TRIM56: variants seen among roughly 807,000 people sequenced by gnomAD.
TRIM56 encodes E3 ubiquitin-protein ligase TRIM56.
A neutral mutation model predicts 17.1 loss-of-function variants in TRIM56; 10 were observed. The ratio of observed to expected loss-of-function variants is 0.58; its 90% CI spans 0.36 to 0.99. The LOEUF (loss-of-function observed/expected upper bound fraction) is 0.99, where lower values mean the gene tolerates loss of function less well. TRIM56 is among the 50% of genes least tolerant of loss of function. The pLI is 0.01. For synonymous variants in TRIM56, 503 were observed against 473.5 expected (o/e 1.06, Z -0.81); for missense variants, 923 against 1,052.3 (o/e 0.88, Z 1.70).
chr7:101,089,747 G>T lies in TRIM56; in HGVS notation c.*167G>T. 1.6e-6 allele frequency: 1 copy of T among 643,764 alleles called. No homozygotes were observed. 39.9% of individuals were successfully genotyped at this position (643,764 alleles called of 1,614,324 possible). A position where few individuals can be genotyped will look rare whatever the true frequency, so the allele number is the denominator to read the frequency against. ...ACCCGTCTTCTAGTGTGTGAGAATA[G>T]GGACCAAGGTGGTGGCGTGACCTTA... On this transcript the variant is annotated 3_prime_UTR_variant, in exon 3 of 3. Transcript: ENST00000306085.
rs1394035419 is a variant in TRIM56 at position 101,087,511 on chromosome 7, C to T, written c.199C>T (p.Pro67Ser). ...PECRETVPVP[P>S]EGVASFKTNF... ...GTGCCGCGAGACAGTGCCTGTGCCGCCCGAGGGTGTGGCCTCCTTCAAGAC... is the reference window on the plus strand; with the variant it reads ...GTGCCGCGAGACAGTGCCTGTGCCGTCCGAGGGTGTGGCCTCCTTCAAGAC... Residue 67 changes from proline (P) to serine (S), a missense_variant, in exon 3 of 3, where the codon CCC becomes TCC. Physicochemically the swap from Pro to Ser is moderately conservative, Grantham distance 74. Transcript: ENST00000306085. The T allele has an allele frequency of 9.3e-6, 15 of 1,613,288 alleles. No individual in the cohort carries two copies. Among genetic ancestry groups the T allele is most frequent in the East Asian group, 2.2e-5 (1 of 44,886 alleles).
rs1476694877 is a variant in TRIM56, at chr7:101,090,561, C to G, written c.*981C>G. ...ATCCCTTGAGCCGAGGAGTTTGAGTCTGCAGTGAGCTATGATCGCACCACT... is the reference window on the plus strand; with the variant it reads ...ATCCCTTGAGCCGAGGAGTTTGAGTGTGCAGTGAGCTATGATCGCACCACT... On this transcript the variant is annotated 3_prime_UTR_variant, in exon 3 of 3. Transcript: ENST00000306085. 3.8e-5 allele frequency: 5 copies of G among 130,778 alleles called. No homozygotes were observed. The highest frequency in any genetic ancestry group is 6.2e-5 in the Non-Finnish European group (4 of 64,326). The allele number at this position is 130,778 out of a possible 1,614,324, so 8.1% of individuals were successfully genotyped here. A position where few individuals can be genotyped will look rare whatever the true frequency, so the allele number is the denominator to read the frequency against.
rs1291498721 is a variant in TRIM56, at chr7:101,091,343, A to G, written c.*1763A>G. 1 of 160,816 alleles carries G rather than the reference A, an allele frequency of 6.2e-6. No homozygotes were observed. Among genetic ancestry groups the G allele is most frequent in the East Asian group, 1.9e-4 (1 of 5,262 alleles). The allele number at this position is 160,816 out of a possible 1,614,324, so 10.0% of individuals were successfully genotyped here. ...GGAAAACCATTTCTTGTTTATTGAA[A>G]CAATGCAGGACATCATCAAAGTCCG... On this transcript the variant is annotated 3_prime_UTR_variant, in exon 3 of 3. Coordinates refer to ENST00000306085, the MANE Select transcript of TRIM56 (RefSeq NM_030961.3).
chr7:101,086,849 C>T (rs1434675848), intron 1 of TRIM56, 157 bp from the exon 2 acceptor site: 1 of 162,384 alleles, frequency 6.2e-6, no homozygotes, highest in African/African-American at 2.4e-5. Context: ...CGTCTGTGTC[C>T]TTACTGCCTG....
In TRIM56 at chr7:101,089,603, G is replaced by T. The variant is rs770045920; in HGVS notation, c.*23G>T. ...TAAAGGGGCTAGGACTAGGGTGAGA[G>T]GGAGTGGGGAGGGAGAGGGCAGGAA... On this transcript the variant is annotated 3_prime_UTR_variant, in exon 3 of 3. Coordinates refer to ENST00000306085, the MANE Select transcript of TRIM56 (RefSeq NM_030961.3). The T allele has an allele frequency of 6.3e-7, 1 of 1,588,810 alleles. No homozygotes were observed. Among genetic ancestry groups the T allele is most frequent in the Non-Finnish European group, 8.6e-7 (1 of 1,162,956 alleles).
In TRIM56 at chr7:101,087,403, C is replaced by T. The variant is rs1231359674; in HGVS notation, c.91C>T (p.Pro31Ser). The T allele has an allele frequency of 3.7e-6, 6 of 1,612,760 alleles. No homozygotes were observed. The highest frequency in any genetic ancestry group is 5.1e-6 in the Non-Finnish European group (6 of 1,180,010). ...CKICLEQLRA[P>S]KTLPCLHTYC... ...AATCTGCCTGGAGCAGCTGCGGGCACCCAAGACACTGCCCTGCCTGCATAC... is the reference window on the plus strand; with the variant it reads ...AATCTGCCTGGAGCAGCTGCGGGCATCCAAGACACTGCCCTGCCTGCATAC... Residue 31 changes from proline to serine, a missense_variant, in exon 3 of 3, where the codon CCC becomes TCC. Physicochemically the swap from Pro to Ser is moderately conservative, Grantham distance 74 (BLOSUM62 -1). Transcript: ENST00000306085.
chr7:101,086,457 A>G (rs1463849226), intron 1 of TRIM56, among the ~76,000 whole-genome samples: 1 of 149,042 alleles, frequency 6.7e-6, no homozygotes, highest in Non-Finnish European at 1.5e-5. Flanking sequence ...GCTACTCGGG[A>G]GGCTGAGGCA....
Position 101,088,414 on chromosome 7 carries a change from C to G in TRIM56, c.1102C>G (p.Leu368Val). 1 of 1,609,162 alleles carries G rather than the reference C, an allele frequency of 6.2e-7. No homozygotes were observed. The highest frequency in any genetic ancestry group is 8.5e-7 in the Non-Finnish European group (1 of 1,177,242). Residue 368 changes from leucine to valine, a missense_variant, in exon 3 of 3, where the codon CTG (leucine) becomes GTG (valine). This residue lies in a region of TRIM56 where 643 missense variants were observed against 665.6 expected (regional missense o/e 0.97). Coordinates refer to ENST00000306085, the MANE Select transcript of TRIM56 (RefSeq NM_030961.3). Reference protein sequence around the residue: ...LLDKNCHLLRLSFEEQQPQKD... With the variant: ...LLDKNCHLLRVSFEEQQPQKD... ...GGACAAGAACTGCCACCTTCTTCGG[C>G]TGTCCTTTGAGGAGCAGCAGCCCCA...
Position 101,088,621 on chromosome 7 carries a change from G to A in TRIM56, c.1309G>A (p.Glu437Lys), listed in dbSNP as rs1584890109. ...TREEGAQTLE[E>K]DRAQTPHEDG... Reference sequence around the variant, plus strand: ...AGAAGAGGGAGCCCAGACCTTGGAGGAGGACAGGGCCCAGACACCCCACGA... The same window carrying A: ...AGAAGAGGGAGCCCAGACCTTGGAGAAGGACAGGGCCCAGACACCCCACGA... Residue 437 changes from glutamate (E) to lysine (K), a missense_variant, in exon 3 of 3, where the codon GAG becomes AAG. Glu to Lys is a moderately conservative substitution (Grantham distance 56). Coordinates refer to ENST00000306085, the MANE Select transcript of TRIM56 (RefSeq NM_030961.3). The A allele has an allele frequency of 1.2e-6, 2 of 1,613,800 alleles. No individual in the cohort carries two copies. The highest frequency in any genetic ancestry group is 1.7e-6 in the Non-Finnish European group (2 of 1,179,778).
In TRIM56 at chr7:101,088,998, G is replaced by T; in HGVS notation, c.1686G>T (p.Val562=). The T allele has an allele frequency of 6.2e-7, 1 of 1,609,182 alleles. No individual in the cohort carries two copies. Among genetic ancestry groups the T allele is most frequent in the Non-Finnish European group, 8.5e-7 (1 of 1,179,880 alleles). ...GCGTGGCCGCCCTGCAGAGCGCGGTGGCCTTCTCCGCTAGCGCACGGCTCT... is the reference window on the plus strand; with the variant it reads ...GCGTGGCCGCCCTGCAGAGCGCGGTTGCCTTCTCCGCTAGCGCACGGCTCT... ...PCSVAALQSA[V]AFSASARLYL... Residue 562 remains valine (V), a synonymous_variant, in exon 3 of 3, where the codon GTG becomes GTT. Coordinates refer to ENST00000306085, the MANE Select transcript of TRIM56 (RefSeq NM_030961.3).
Position 101,092,528 on chromosome 7 carries a change from G to A in TRIM56, c.*2948G>A, listed in dbSNP as rs564937952. 1,555 of 168,254 alleles carry A rather than the reference G, an allele frequency of 9.2e-3. 20 individuals are homozygous for A. Among genetic ancestry groups the A allele is most frequent in the African/African-American group, 0.035 (1,470 of 41,494 alleles). 10.4% of individuals were successfully genotyped at this position (168,254 alleles called of 1,614,324 possible). On this transcript the variant is annotated 3_prime_UTR_variant, in exon 3 of 3. Transcript: ENST00000306085. ...TCCGCCTGGCAGCCGCCCCGTCTGA[G>A]AAGTGAGGAGCCCCTCCGCCCGGCA...
rs946540592 is a variant in TRIM56, at chr7:101,095,383, G to C, written c.*5803G>C. ...AGCAAAACCTGGTTTCCTAAGGGGG[G>C]GATAAAAGAGGGAGAGATGAGATCG... On this transcript the variant is annotated 3_prime_UTR_variant, in exon 3 of 3. Coordinates refer to ENST00000306085, the MANE Select transcript of TRIM56 (RefSeq NM_030961.3). The C allele has an allele frequency of 6.6e-6, 1 of 152,332 alleles. No individual in the cohort carries two copies. Among genetic ancestry groups the C allele is most frequent in the African/African-American group, 2.4e-5 (1 of 41,386 alleles). 9.4% of individuals were successfully genotyped at this position (152,332 alleles called of 1,614,324 possible).
At chr7:101,085,765 G>A (rs908665406) in intron 1 of TRIM56, among the ~76,000 whole-genome samples, 194 bp downstream of exon 1, 2 of 152,042 alleles carry the variant, frequency 1.3e-5, no homozygotes, top group African/African-American at 2.4e-5. Flanking sequence ...ACAGGTCCCC[G>A]CAAGAAAGAC....
In TRIM56 at chr7:101,089,043, C is replaced by T. The variant is rs754374430; in HGVS notation, c.1731C>T (p.Gly577=). The T allele has an allele frequency of 1.6e-5, 25 of 1,602,042 alleles. No individual in the cohort carries two copies. Among genetic ancestry groups the T allele is most frequent in the South Asian group, 9.9e-5 (9 of 90,952 alleles). ...SARLYLINPN[G]EVQWRRALSL... ...GGCTCTATCTCATCAACCCCAACGG[C>T]GAAGTGCAGTGGCGCAGGGCCCTGA... Residue 577 remains glycine, a synonymous_variant, in exon 3 of 3, where the codon GGC becomes GGT. Transcript: ENST00000306085.
In TRIM56 at chr7:101,087,993, G is replaced by C. The variant is rs1795481318; in HGVS notation, c.681G>C (p.Leu227=). 3 of 1,588,884 alleles carry C rather than the reference G, an allele frequency of 1.9e-6. No individual in the cohort carries two copies. The highest frequency in any genetic ancestry group is 2.6e-6 in the Non-Finnish European group (3 of 1,174,312). The change falls in exon 3 of 3, where the codon CTG becomes CTC. Residue 227 remains leucine (L), a synonymous_variant. Transcript: ENST00000306085. ...TGCTGGCCGGTGTGGACAATAACCT[G>C]GTGGAGCTGGAGGCAGCGCGGAGGG... ...EGLLAGVDNN[L]VELEAARRVE...
In TRIM56 at chr7:101,089,652, G is replaced by T; in HGVS notation, c.*72G>T. ...AAGGAGGCAGAGCTGTCCGTGGGAGGTGGAGGCCGAGGACATTTTCCTGAA... is the reference window on the plus strand; with the variant it reads ...AAGGAGGCAGAGCTGTCCGTGGGAGTTGGAGGCCGAGGACATTTTCCTGAA... On this transcript the variant is annotated 3_prime_UTR_variant, in exon 3 of 3. Coordinates refer to ENST00000306085, the MANE Select transcript of TRIM56 (RefSeq NM_030961.3). 7.0e-7 allele frequency: 1 copy of T among 1,426,906 alleles called. No homozygotes were observed. The highest frequency in any genetic ancestry group is 1.4e-5 in the African/African-American group (1 of 70,126). 88.4% of individuals were successfully genotyped at this position (1,426,906 alleles called of 1,614,324 possible). A position where few individuals can be genotyped will look rare whatever the true frequency, so the allele number is the denominator to read the frequency against.
In TRIM56 at chr7:101,092,550, G is replaced by A. The variant is rs1463716217; in HGVS notation, c.*2970G>A. 7.5e-5 allele frequency: 12 copies of A among 159,430 alleles called. No individual in the cohort carries two copies. The highest frequency in any genetic ancestry group is 1.1e-4 in the Non-Finnish European group (8 of 74,616). 9.9% of individuals were successfully genotyped at this position (159,430 alleles called of 1,614,324 possible). A position where few individuals can be genotyped will look rare whatever the true frequency, so the allele number is the denominator to read the frequency against. On this transcript the variant is annotated 3_prime_UTR_variant, in exon 3 of 3. Transcript: ENST00000306085. ...TGAGAAGTGAGGAGCCCCTCCGCCCGGCAGCCGCCCCGTCCGGGAGGGAGG... is the reference window on the plus strand; with the variant it reads ...TGAGAAGTGAGGAGCCCCTCCGCCCAGCAGCCGCCCCGTCCGGGAGGGAGG...
At chr7:101,085,960 G>C (rs2116524447) in intron 1 of TRIM56, among the ~76,000 whole-genome samples, 1 of 152,330 alleles carries the variant, frequency 6.6e-6, no homozygotes, top group South Asian at 2.1e-4. Context: ...CCAAGGCCAA[G>C]TCTATCAGAG....
chr7:101,088,395 G>T lies in TRIM56; in HGVS notation c.1083G>T (p.Lys361Asn), dbSNP rs773386154. Residue 361 changes from lysine to asparagine, a missense_variant, in exon 3 of 3, where the codon AAG becomes AAT. Lys to Asn is a moderately conservative substitution (Grantham distance 94). Coordinates refer to ENST00000306085, the MANE Select transcript of TRIM56 (RefSeq NM_030961.3). Reference sequence around the variant, plus strand: ...AGCTCCATCCTGGGCTCCTGGACAAGAACTGCCACCTTCTTCGGCTGTCCT... The same window carrying T: ...AGCTCCATCCTGGGCTCCTGGACAATAACTGCCACCTTCTTCGGCTGTCCT... ...QLELHPGLLD[K>N]NCHLLRLSFE... 1.9e-6 allele frequency: 3 copies of T among 1,595,486 alleles called. No individual in the cohort carries two copies. The East Asian group carries it at 6.7e-5, about 36-fold the overall frequency.
Sources: allele counts gnomAD v4.1 joint callset (sites outside exome capture counted in the v4.1 genomes callset), GRCh38; gene constraint gnomAD v4.1.1; regional missense constraint gnomAD v4.1.1; transcripts MANE v1.5; gene names NCBI Gene and HGNC (gene_info 2026-07-23, HGNC 2026-07-21).